ZNF366: variants seen among roughly 807,000 people sequenced by gnomAD.
The protein encoded by ZNF366 is dendritic cell-specific transcript protein.
In ZNF366, 20 loss-of-function variants were observed where a neutral mutation model predicts 47.2. The ratio of observed to expected loss-of-function variants is 0.42; its 90% CI spans 0.30 to 0.62. The LOEUF is 0.62. Ranked by LOEUF, ZNF366 falls within the 20% of genes least tolerant of loss-of-function variation. The pLI is 0.16. For synonymous variants in ZNF366, 421 were observed against 395.1 expected (o/e 1.07, Z -0.78); for missense variants, 987 against 976.3 (o/e 1.01, Z -0.15).
chr5:72,462,375 TC>T (rs1393677621), intron 1 of ZNF366, among the ~76,000 whole-genome samples: 1 of 152,106 alleles, frequency 6.6e-6, no homozygotes, highest in Non-Finnish European at 1.5e-5. Context: ...GCTTGGTGAC[TC>T]CTGTGGTGCC....
intron 1 of ZNF366, among the ~76,000 whole-genome samples, chr5:72,504,679 A>C (rs1174790385): frequency 6.6e-6 from 1 of 152,132 alleles, no homozygotes; most frequent in Non-Finnish European, 1.5e-5. Flanking sequence ...AGCAAGAATA[A>C]TGACACAAAT....
intron 1 of ZNF366, among the ~76,000 whole-genome samples, chr5:72,487,598 T>C (rs1337608162): frequency 1.3e-5 from 2 of 152,142 alleles, no homozygotes; most frequent in Non-Finnish European, 2.9e-5. Flanking sequence ...ATACTCTAGC[T>C]GCCAAGGGTC....
intron 1 of ZNF366, among the ~76,000 whole-genome samples, chr5:72,474,035 G>C (rs1247475934): frequency 6.6e-6 from 1 of 152,212 alleles, no homozygotes; most frequent in African/African-American, 2.4e-5. Context: ...TGCCAGTTCA[G>C]AATCAGAATG....
chr5:72,502,204 C>T (rs1278914555), intron 1 of ZNF366, among the ~76,000 whole-genome samples: 1 of 152,240 alleles, frequency 6.6e-6, no homozygotes, highest in Non-Finnish European at 1.5e-5. Context: ...GTGGACAAAA[C>T]AAAGTCCCTG....
At position 72,445,222 on chromosome 5, in the gene ZNF366, C is replaced by G. The variant is rs115967374; in HGVS notation, c.1700-931G>C. 3.1e-3 allele frequency among the ~76,000 whole-genome samples: 467 copies of G among 152,238 alleles called. 3 individuals are homozygous for G. The highest frequency in any genetic ancestry group is 0.01 in the African/African-American group (432 of 41,548). The stretch of plus-strand genomic sequence containing the variant: ...AGGGCTGTAGGGATGGGCTTTTCAG[C>G]ATGGCAGTTTCATTTGATCCTGTCT... On this transcript the variant is annotated intron_variant, in intron 4 of 4. Coordinates refer to ENST00000318442, the MANE Select transcript of ZNF366 (RefSeq NM_152625.3).
At position 72,460,798 on chromosome 5, in the gene ZNF366, G is replaced by C. The variant is rs931053571; in HGVS notation, c.699C>G (p.Asp233Glu). 2.5e-6 allele frequency: 4 copies of C among 1,614,084 alleles called. No individual in the cohort carries two copies. The African/African-American group carries it at 4.0e-5, about 16-fold the overall frequency. The change falls in exon 2 of 5, where the codon GAC becomes GAG. Residue 233 changes from aspartate (D) to glutamate (E), a missense_variant. Physicochemically the swap from Asp to Glu is conservative, Grantham distance 45. Around this residue, in one of 3 missense-constraint regions of ZNF366, gnomAD observed 591 missense variants for 560.9 expected, o/e 1.05. Coordinates refer to ENST00000318442, the MANE Select transcript of ZNF366 (RefSeq NM_152625.3). Reference protein sequence around the residue: ...EETKQKVERVDVNVQIDDSYY... With the variant: ...EETKQKVERVEVNVQIDDSYY... Reference sequence around the variant, plus strand: ...AGCTGTCATCGATCTGCACGTTCACGTCCACCCTCTCCACCTTCTGCTTGG... The same window carrying C: ...AGCTGTCATCGATCTGCACGTTCACCTCCACCCTCTCCACCTTCTGCTTGG...
chr5:72,460,499 T>C lies in ZNF366; in HGVS notation c.998A>G (p.Glu333Gly). 6.2e-7 allele frequency: 1 copy of C among 1,613,984 alleles called. No homozygotes were observed. The highest frequency in any genetic ancestry group is 8.5e-7 in the Non-Finnish European group (1 of 1,179,978). Reference protein sequence around the residue: ...HLKRHMMQHSEVKPHNCRVCG... With the variant: ...HLKRHMMQHSGVKPHNCRVCG... Reference sequence around the variant, plus strand: ...CACGCGGCAGTTGTGCGGCTTCACCTCGCTGTGCTGCATCATGTGGCGCTT... The same window carrying C: ...CACGCGGCAGTTGTGCGGCTTCACCCCGCTGTGCTGCATCATGTGGCGCTT... The change falls in exon 2 of 5, where the codon GAG becomes GGG. Residue 333 changes from glutamate to glycine, a missense_variant. Physicochemically the swap from Glu to Gly is moderately conservative, Grantham distance 98. Coordinates refer to ENST00000318442, the MANE Select transcript of ZNF366 (RefSeq NM_152625.3).
chr5:72,472,205 A>C (rs1387570217), intron 1 of ZNF366, among the ~76,000 whole-genome samples: 2 of 152,214 alleles, frequency 1.3e-5, no homozygotes, highest in Admixed American at 6.5e-5. Flanking sequence ...CTAGTGAAAG[A>C]AACTGACAAC....
chr5:72,480,014 T>C (rs188889096), intron 1 of ZNF366, among the ~76,000 whole-genome samples: 5 of 152,220 alleles, frequency 3.3e-5, no homozygotes, highest in African/African-American at 9.6e-5. Flanking sequence ...TTTGCAGCAA[T>C]GGCTGGAATG....
At chr5:72,504,089 G>GCGTGCATGCA (rs1561207652) in intron 1 of ZNF366, among the ~76,000 whole-genome samples, 9 of 151,496 alleles carry the variant, frequency 5.9e-5, no homozygotes, top group African/African-American at 2.2e-4. Flanking sequence ...ACATGCGCGC[G>GCGTGCATGCA]CACACACGCG....
intron 1 of ZNF366, among the ~76,000 whole-genome samples, chr5:72,495,731 A>G (rs1316867272): frequency 6.6e-6 from 1 of 152,214 alleles, no homozygotes; most frequent in African/African-American, 2.4e-5. Context: ...AATCAGAAGT[A>G]TCTTTAAAGA....
At chr5:72,480,361 A>C (rs1743768458) in intron 1 of ZNF366, among the ~76,000 whole-genome samples, 1 of 152,196 alleles carries the variant, frequency 6.6e-6, no homozygotes, top group South Asian at 2.1e-4. Flanking sequence ...AGTTCTTTTA[A>C]GTGCTTTCCC....
At chr5:72,476,213 C>T (rs776368541) in intron 1 of ZNF366, among the ~76,000 whole-genome samples, 12 of 152,060 alleles carry the variant, frequency 7.9e-5, no homozygotes, top group Non-Finnish European at 1.5e-4. Context: ...GGTCAGCACA[C>T]GAGAATCACT....
Position 72,440,607 on chromosome 5 carries a change from G to T in ZNF366, c.*3149C>A, listed in dbSNP as rs1461069456. 1 of 152,202 alleles carries T rather than the reference G, an allele frequency of 6.6e-6. No homozygotes were observed. The highest frequency in any genetic ancestry group is 1.5e-5 in the Non-Finnish European group (1 of 68,044). 9.4% of individuals were successfully genotyped at this position (152,202 alleles called of 1,614,324 possible). On this transcript the variant is annotated 3_prime_UTR_variant, in exon 5 of 5. Coordinates refer to ENST00000318442, the MANE Select transcript of ZNF366 (RefSeq NM_152625.3). ...TCAAGGCTTGCCTTCTGGTTCATCA[G>T]CTCATTAGGCAAGGCTGGCCAACCC...
chr5:72,467,807 G>A (rs1422670086), intron 1 of ZNF366, among the ~76,000 whole-genome samples: 1 of 152,130 alleles, frequency 6.6e-6, no homozygotes, highest in Non-Finnish European at 1.5e-5. Context: ...TATGAGAGTG[G>A]CAGTTTACTT....
At chr5:72,456,794 T>C (rs1438203122) in intron 2 of ZNF366, among the ~76,000 whole-genome samples, 199 bp from the exon 3 acceptor site, 6 of 152,192 alleles carry the variant, frequency 3.9e-5, no homozygotes, top group Non-Finnish European at 7.4e-5. Context: ...TTTTTTTTCC[T>C]TCTGAAAACC....
At chr5:72,464,476 C>A (rs528203439) in intron 1 of ZNF366, among the ~76,000 whole-genome samples, 2 of 151,828 alleles carry the variant, frequency 1.3e-5, no homozygotes, top group Admixed American at 6.6e-5. Flanking sequence ...TAATGTTAAT[C>A]TCAAAAGCAT....
chr5:72,456,502 C>T lies in ZNF366; in HGVS notation c.1426G>A (p.Ala476Thr), dbSNP rs775979279. ...TTGTAGCAGAGGTGACACTGGTAGG[C>T]GCGGATGTTGGTGTGGATCAGCACG... is the stretch of plus-strand genomic sequence containing the variant. The part of the protein sequence containing the change: ...RHVLIHTNIR[A>T]YQCHLCYKSF... The change falls in exon 3 of 5, where the codon GCC (alanine) becomes ACC (threonine). Residue 476 changes from alanine to threonine, a missense_variant. Coordinates refer to ENST00000318442, the MANE Select transcript of ZNF366 (RefSeq NM_152625.3). The T allele has an allele frequency of 1.2e-6, 2 of 1,613,976 alleles. No homozygotes were observed. Among genetic ancestry groups the T allele is most frequent in the Non-Finnish European group, 1.7e-6 (2 of 1,179,892 alleles).
At chr5:72,445,957 C>T (rs1208243399) in intron 4 of ZNF366, among the ~76,000 whole-genome samples, 3 of 152,158 alleles carry the variant, frequency 2.0e-5, no homozygotes, top group East Asian at 1.9e-4. Flanking sequence ...AGAAACTCAG[C>T]GGGTACTGTA....
Sources: allele counts gnomAD v4.1 joint callset (sites outside exome capture counted in the v4.1 genomes callset), GRCh38; gene constraint gnomAD v4.1.1; regional missense constraint gnomAD v4.1.1; transcripts MANE v1.5; gene names NCBI Gene and HGNC (gene_info 2026-07-23, HGNC 2026-07-21).